Variants in SIK3 observed in about 807,000 individuals in gnomAD.
SIK3 encodes the protein serine/threonine-protein kinase SIK3.
A neutral mutation model predicts 144.2 loss-of-function variants in SIK3; 28 were observed. The observed-to-expected ratio is 0.19, with a 90% CI of 0.14 to 0.27. SIK3 has a LOEUF of 0.27. Ranked by LOEUF, SIK3 falls within the 10% of genes least tolerant of loss-of-function variation. The pLI, the probability that SIK3 is intolerant of heterozygous loss-of-function variation, is 1.00. For missense variants in SIK3, 1,319 were observed against 1,776.0 expected, an observed-to-expected ratio of 0.74 and a Z score of 4.62; for synonymous variants, 686 against 676.3, an observed-to-expected ratio of 1.01 and a Z score of -0.22.
intron 1 of SIK3, among the ~76,000 whole-genome samples, chr11:116,998,604 A>C (rs1253052086): frequency 1.3e-5 from 2 of 152,222 alleles, no homozygotes; most frequent in African/African-American, 4.8e-5. Context: ...CATGAGAGTC[A>C]GGGACTTCAA....
At chr11:116,938,196 C>G (rs1346325517) in intron 3 of SIK3, among the ~76,000 whole-genome samples, 1 of 84,462 alleles carries the variant, frequency 1.2e-5, no homozygotes, top group Non-Finnish European at 2.1e-5. Context: ...CAGAGTGAGA[C>G]TCTATCTAGA....
At chr11:117,035,621 C>G (rs1302514386) in intron 1 of SIK3, among the ~76,000 whole-genome samples, 1 of 152,182 alleles carries the variant, frequency 6.6e-6, no homozygotes, top group Non-Finnish European at 1.5e-5. Context: ...GTGATGTGAT[C>G]ATAGCTCACT....
At chr11:117,067,974 A>G (rs981507903) in intron 1 of SIK3, among the ~76,000 whole-genome samples, 3 of 152,092 alleles carry the variant, frequency 2.0e-5, no homozygotes, top group Non-Finnish European at 4.4e-5. Context: ...ACAGAACAAG[A>G]CCCTGTCTCA....
chr11:116,926,242 G>A lies in SIK3; in HGVS notation c.616+977C>T, dbSNP rs116000630. Among the ~76,000 whole-genome samples, 501 of 152,224 alleles carry A rather than the reference G, an allele frequency of 3.3e-3. 5 individuals are homozygous for A. Among genetic ancestry groups the A allele is most frequent in the African/African-American group, 0.012 (480 of 41,514 alleles). ...GACCGGGGATACACGATGCTATACC[G>A]GAAAGTGTCGGCAAACATAAATGGC... On this transcript the variant is annotated intron_variant, in intron 4 of 24. Coordinates refer to ENST00000445177, the MANE Select transcript of SIK3 (RefSeq NM_001366686.3).
chr11:117,021,407 T>C (rs1345717420), intron 1 of SIK3, among the ~76,000 whole-genome samples: 2 of 152,170 alleles, frequency 1.3e-5, no homozygotes, highest in African/African-American at 4.8e-5. Context: ...AGAACCCCAC[T>C]CTTTCCACAG....
At chr11:117,041,466 A>C (rs1164306447) in intron 1 of SIK3, among the ~76,000 whole-genome samples, 2 of 152,186 alleles carry the variant, frequency 1.3e-5, no homozygotes, top group East Asian at 3.8e-4. Flanking sequence ...TCCCAAACTT[A>C]TTTAATAAAA....
chr11:117,058,119 C>G (rs1430175621), intron 1 of SIK3, among the ~76,000 whole-genome samples: 1 of 152,114 alleles, frequency 6.6e-6, no homozygotes, highest in Non-Finnish European at 1.5e-5. Flanking sequence ...AAGCCCTGTG[C>G]TAAGAATGAG....
chr11:117,092,781 T>C (rs1955304473), intron 1 of SIK3, among the ~76,000 whole-genome samples: 2 of 152,224 alleles, frequency 1.3e-5, no homozygotes, highest in Admixed American at 1.3e-4. Context: ...TTTCAAAGCA[T>C]CCATTTTGTT....
At chr11:117,057,284 G>C (rs1953578387) in intron 1 of SIK3, among the ~76,000 whole-genome samples, 1 of 152,142 alleles carries the variant, frequency 6.6e-6, no homozygotes, top group South Asian at 2.1e-4. Flanking sequence ...TTTACTTTAT[G>C]TACATCTGCA....
At chr11:117,030,074 A>C (rs1432872097) in intron 1 of SIK3, among the ~76,000 whole-genome samples, 1 of 152,118 alleles carries the variant, frequency 6.6e-6, no homozygotes, top group Non-Finnish European at 1.5e-5. Context: ...GCCAAGAAAA[A>C]GTGTTTGGAA....
rs192395036 is a variant in SIK3, at chr11:116,993,986, G to C, written c.274-36922C>G. Among the ~76,000 whole-genome samples the C allele has an allele frequency of 1.1e-3, 170 of 152,310 alleles. 1 individual carries two copies. Among genetic ancestry groups the C allele is most frequent in the African/African-American group, 3.4e-3 (140 of 41,564 alleles). Reference sequence around the variant, plus strand: ...TTGTGTGCATGTATTCTTTCAGAGAGCTTTTGTTGGCTTAGCATTTAAACA... The same window carrying C: ...TTGTGTGCATGTATTCTTTCAGAGACCTTTTGTTGGCTTAGCATTTAAACA... On this transcript the variant is annotated intron_variant, in intron 1 of 24. Coordinates refer to ENST00000445177, the MANE Select transcript of SIK3 (RefSeq NM_001366686.3).
At chr11:116,931,608 C>T (rs1947605992) in intron 3 of SIK3, among the ~76,000 whole-genome samples, 1 of 152,150 alleles carries the variant, frequency 6.6e-6, no homozygotes, top group South Asian at 2.1e-4. Flanking sequence ...TGAACCCAGC[C>T]TAGAAAAGGG....
rs185815113 is a variant in SIK3 at position 116,995,375 on chromosome 11, C to T, written c.274-38311G>A. 3.4e-3 allele frequency among the ~76,000 whole-genome samples: 515 copies of T among 151,960 alleles called. 2 individuals are homozygous for T. The highest frequency in any genetic ancestry group is 6.0e-3 in the Non-Finnish European group (406 of 67,956). On this transcript the variant is annotated intron_variant, in intron 1 of 24. Coordinates refer to ENST00000445177, the MANE Select transcript of SIK3 (RefSeq NM_001366686.3). ...ACCTCCCAGGCTCAGGAGATCCTCC[C>T]GCCTCAGCCTCCCGAGTAGCTAGGA...
At chr11:116,941,221 T>TG (rs1381508918) in intron 3 of SIK3, among the ~76,000 whole-genome samples, 3 of 152,046 alleles carry the variant, frequency 2.0e-5, no homozygotes, top group Non-Finnish European at 4.4e-5. Flanking sequence ...TTAGCCAGGA[T>TG]GGTCTCAATC....
chr11:116,893,272 T>G (rs377320200), intron 6 of SIK3, among the ~76,000 whole-genome samples: 1 of 152,104 alleles, frequency 6.6e-6, no homozygotes, highest in Non-Finnish European at 1.5e-5. Context: ...GTGGGGCACA[T>G]TGATTATGAC....
intron 1 of SIK3, among the ~76,000 whole-genome samples, chr11:117,006,708 T>C (rs561646571): frequency 1.3e-5 from 2 of 151,790 alleles, no homozygotes; most frequent in South Asian, 4.2e-4. Context: ...AAGGAAAGCA[T>C]GGGGGTAGGA....
chr11:116,975,402 C>A (rs1484449628), intron 1 of SIK3, among the ~76,000 whole-genome samples: 2 of 152,126 alleles, frequency 1.3e-5, no homozygotes, highest in Non-Finnish European at 2.9e-5. Context: ...AACCACTAAT[C>A]CACTTTCTTT....
chr11:116,924,064 G>A (rs528519472), intron 4 of SIK3, among the ~76,000 whole-genome samples: 1 of 151,986 alleles, frequency 6.6e-6, no homozygotes, highest in South Asian at 2.1e-4. Flanking sequence ...GGTGGATCAG[G>A]ATCTTGAACT....
chr11:116,901,758 G>C (rs1461595409), intron 4 of SIK3, among the ~76,000 whole-genome samples: 1 of 152,002 alleles, frequency 6.6e-6, no homozygotes, highest in Admixed American at 6.6e-5. Context: ...TAACACAGTG[G>C]GCACTTAATG....
Sources: gnomAD v4.1 joint callset for allele counts (sites outside exome capture counted in the v4.1 genomes callset) on GRCh38, gnomAD v4.1.1 for gene constraint, MANE v1.5 for transcripts, NCBI Gene and HGNC (gene_info 2026-07-23, HGNC 2026-07-21) for gene names.